The following MAMLD1 variants were observed in gnomAD, a reference collection of about 807,000 sequenced individuals.
MAMLD1 encodes mastermind-like domain-containing protein 1.
In MAMLD1, 14 loss-of-function variants were observed where a neutral mutation model predicts 45.0. That is an observed-to-expected ratio of 0.31 (90% CI 0.21 to 0.49). MAMLD1 has a LOEUF of 0.49. Ranked by LOEUF, MAMLD1 falls within the 20% of genes least tolerant of loss-of-function variation. The pLI is 0.99. For synonymous variants in MAMLD1, 254 were observed against 247.8 expected, an observed-to-expected ratio of 1.02 and a Z score of -0.24; for missense variants, 543 against 603.6, an observed-to-expected ratio of 0.90 and a Z score of 1.05.
intron 1 of MAMLD1, among the ~76,000 whole-genome samples, chrX:150,368,386 C>T (rs1234582023): frequency 3.6e-4 from 39 of 108,305 alleles, no homozygotes; most frequent in East Asian, 1.4e-3. Flanking sequence ...TCATATCCTT[C>T]GCCCAATTTT....
chrX:150,490,335 C>T (rs1446136557), intron 5 of MAMLD1, among the ~76,000 whole-genome samples: 1 of 112,417 alleles, frequency 8.9e-6, no homozygotes, highest in African/African-American at 3.2e-5. Flanking sequence ...TTCTTTGTTA[C>T]TTTGTCACTC....
At chrX:150,367,976 T>C (rs1322843429) in intron 1 of MAMLD1, among the ~76,000 whole-genome samples, 3 of 111,372 alleles carry the variant, frequency 2.7e-5, no homozygotes, top group African/African-American at 9.8e-5. Context: ...ACATTTGGGT[T>C]GGTTCCAAGT....
Position 150,396,686 on chromosome X carries a change from G to A in MAMLD1, c.-64+33156G>A, listed in dbSNP as rs139086843. On this transcript the variant is annotated intron_variant, in intron 1 of 7. Coordinates refer to ENST00000370401, the MANE Select transcript of MAMLD1 (RefSeq NM_005491.5). ...TGGTAAATGTCAGTTATATCCAGTC[G>A]ATGGTGTTGGTGTTGAGCTCAGCTA... Among the ~76,000 whole-genome samples the A allele has an allele frequency of 7.5e-3, 844 of 112,161 alleles. 6 individuals are homozygous for A. Among genetic ancestry groups the A allele is most frequent in the African/African-American group, 0.026 (791 of 30,897 alleles).
At chrX:150,485,859 G>A (rs997373978) in intron 5 of MAMLD1, among the ~76,000 whole-genome samples, 5 of 111,681 alleles carry the variant, frequency 4.5e-5, no homozygotes, top group African/African-American at 1.6e-4. Flanking sequence ...GTAGATAAAA[G>A]AACATGACTC....
chrX:150,370,690 AC>A (rs1218453990), intron 1 of MAMLD1, among the ~76,000 whole-genome samples: 34 of 109,421 alleles, frequency 3.1e-4, no homozygotes, highest in Middle Eastern at 4.8e-3. Flanking sequence ...CCCTGCCTCC[AC>A]CCCCCCAGCT....
intron 2 of MAMLD1, among the ~76,000 whole-genome samples, chrX:150,447,645 G>C (rs1380251924): frequency 1.6e-4 from 18 of 111,669 alleles, no homozygotes; most frequent in African/African-American, 5.5e-4. Context: ...TGGCCTGTGA[G>C]TCCACCAAGA....
intron 5 of MAMLD1, 32 bp downstream of exon 5, chrX:150,473,834 TG>T: frequency 8.3e-7 from 1 of 1,198,065 alleles, no homozygotes; most frequent in Non-Finnish European, 1.1e-6. Flanking sequence ...TGTCTTCAAT[TG>T]GGTACATTTT....
chrX:150,414,611 A>G (rs2034205984), intron 1 of MAMLD1, among the ~76,000 whole-genome samples: 1 of 111,649 alleles, frequency 9.0e-6, no homozygotes, highest in Non-Finnish European at 1.9e-5. Flanking sequence ...AGTTCTCTGT[A>G]GCATGAAATT....
chrX:150,468,978 A>AGTGTGTGTGTGTGTGTGTGTGT (rs67617988), intron 3 of MAMLD1, among the ~76,000 whole-genome samples: 1 of 100,691 alleles, frequency 9.9e-6, no homozygotes, highest in African/African-American at 3.6e-5. Flanking sequence ...AATGTGTGAG[A>AGTGTGTGTGTGTGTGTGTGTGT]GTGTGTGTGT....
chrX:150,441,022 A>G (rs2035295421), intron 1 of MAMLD1, among the ~76,000 whole-genome samples: 1 of 104,990 alleles, frequency 9.5e-6, no homozygotes, highest in Admixed American at 1.1e-4. Flanking sequence ...ATATTTAATA[A>G]TTTAATAATT....
intron 5 of MAMLD1, among the ~76,000 whole-genome samples, chrX:150,479,433 A>T (rs187210113): frequency 1.1e-4 from 12 of 112,511 alleles, no homozygotes; most frequent in Admixed American, 5.6e-4. Context: ...AATCATTTTC[A>T]GAAACCTCCT....
chrX:150,471,816 G>A (rs782765552), intron 4 of MAMLD1, among the ~76,000 whole-genome samples: 1 of 112,275 alleles, frequency 8.9e-6, no homozygotes, highest in Admixed American at 9.4e-5. Flanking sequence ...GGGCCATGTA[G>A]AAAGACTAGT....
chrX:150,445,323 G>C, intron 1 of MAMLD1, 131 bp from the exon 2 acceptor site: 1 of 446,287 alleles, frequency 2.2e-6, no homozygotes. Context: ...TGAGGGTGGT[G>C]GGTGGGAGGA....
At chrX:150,371,728 C>A (rs1399003216) in intron 1 of MAMLD1, among the ~76,000 whole-genome samples, 4 of 112,009 alleles carry the variant, frequency 3.6e-5, no homozygotes, top group East Asian at 2.8e-4. Context: ...GCTTCGGCAG[C>A]GTGCTGTGAC....
intron 1 of MAMLD1, among the ~76,000 whole-genome samples, chrX:150,371,633 G>C (rs1369236548): frequency 8.9e-6 from 1 of 111,897 alleles, no homozygotes; most frequent in Non-Finnish European, 1.9e-5. Context: ...CCAAGTTCTT[G>C]GTCCAATTGT....
At chrX:150,446,195 G>C (rs1470282729) in intron 2 of MAMLD1, among the ~76,000 whole-genome samples, 1 of 111,939 alleles carries the variant, frequency 8.9e-6, no homozygotes, top group African/African-American at 3.3e-5. Flanking sequence ...GAGAGCCATT[G>C]ACTAGTTTAA....
rs6627393 is a variant in MAMLD1 at position 150,399,133 on chromosome X, T to C, written c.-64+35603T>C. ...TCTCTACCACAGTATGGAGGACAAA[T>C]GGGAAAGCCAAGACTGGAGGCAGGG... On this transcript the variant is annotated intron_variant, in intron 1 of 7. Coordinates refer to ENST00000370401, the MANE Select transcript of MAMLD1 (RefSeq NM_005491.5). Among the ~76,000 whole-genome samples the C allele has an allele frequency of 3.3e-3, 370 of 111,370 alleles. 12 individuals carry two copies. In the East Asian group the frequency reaches 0.09, roughly 27 times the overall value.
rs185793698 is a variant in MAMLD1, at chrX:150,469,720, C to T, written c.172-25C>T. 2.1e-5 allele frequency: 24 copies of T among 1,148,158 alleles called. No homozygotes were observed. In the African/African-American group the frequency reaches 3.9e-4, roughly 18 times the overall value. The allele number at this position is 1,148,158 out of a possible 1,213,427, so 94.6% of individuals were successfully genotyped here. ...TTCCCTTCTCCTCTCCTCTCTTCTC[C>T]TCTTCTCTTCTCTTCCATTCACAGG... On this transcript the variant is annotated intron_variant, in intron 3 of 7. Transcript: ENST00000370401.
chrX:150,506,374 A>C (rs1355403661), intron 6 of MAMLD1, among the ~76,000 whole-genome samples: 9 of 84,911 alleles, frequency 1.1e-4, no homozygotes, highest in East Asian at 3.5e-4. Context: ...CCTCTTCTTT[A>C]TTCTCTCTCC....
Sources: allele counts gnomAD v4.1 joint callset (sites outside exome capture counted in the v4.1 genomes callset), GRCh38; gene constraint gnomAD v4.1.1; transcripts MANE v1.5; gene names NCBI Gene and HGNC (gene_info 2026-07-23, HGNC 2026-07-21).